Variants in TEX15 observed in about 807,000 individuals in gnomAD.
The protein encoded by TEX15 is testis-expressed protein 15.
In TEX15, 171 loss-of-function variants were observed where a neutral mutation model predicts 237.3. That is an observed-to-expected ratio of 0.72 (90% CI 0.64 to 0.82). TEX15 has a LOEUF of 0.82. TEX15 is among the 40% of genes least tolerant of loss of function. The pLI is 0.00. For synonymous variants in TEX15, 1,338 were observed against 1,269.8 expected (o/e 1.05, Z -1.14); for missense variants, 3,750 against 3,646.5 (o/e 1.03, Z -0.73).
At chr8:30,873,777 T>C (rs1362822327) in intron 4 of TEX15, among the ~76,000 whole-genome samples, 2 of 152,136 alleles carry the variant, frequency 1.3e-5, no homozygotes, top group African/African-American at 4.8e-5. Flanking sequence ...CAAATCAATA[T>C]ATTGTAGTAA....
At chr8:30,883,616 T>C (rs1808584637) in intron 3 of TEX15, among the ~76,000 whole-genome samples, 2 of 152,326 alleles carry the variant, frequency 1.3e-5, no homozygotes, top group African/African-American at 4.8e-5. Context: ...TTTGGTTTTC[T>C]GTTCCTGTAT....
At chr8:30,859,052 C>T (rs1807978485) in intron 6 of TEX15, among the ~76,000 whole-genome samples, 1 of 151,908 alleles carries the variant, frequency 6.6e-6, no homozygotes, top group Non-Finnish European at 1.5e-5. Flanking sequence ...GAAAAAGGCA[C>T]AATTCGTTTT....
chr8:30,838,124 G>A, intron 9 of TEX15, 63 bp from the exon 10 acceptor site: 1 of 1,376,390 alleles, frequency 7.3e-7, no homozygotes. Context: ...AATTTTAATG[G>A]AAATATATAT....
chr8:30,858,658 T>G lies in TEX15; in HGVS notation c.850+10A>C. The G allele has an allele frequency of 6.6e-7, 1 of 1,524,268 alleles. No homozygotes were observed. Among genetic ancestry groups the G allele is most frequent in the Non-Finnish European group, 8.8e-7 (1 of 1,140,990 alleles). The allele number at this position is 1,524,268 out of a possible 1,614,324, so 94.4% of individuals were successfully genotyped here. A position where few individuals can be genotyped will look rare whatever the true frequency, so the allele number is the denominator to read the frequency against. ...AATATTAATCAAGTACAATCATATG[T>G]GTATCTTACCAGCTCTCTTAGGAAA... On this transcript the variant is annotated intron_variant, in intron 7 of 10. Transcript: ENST00000643185.
intron 4 of TEX15, among the ~76,000 whole-genome samples, chr8:30,870,162 T>G (rs1808262414): frequency 6.6e-6 from 1 of 151,886 alleles, no homozygotes; most frequent in South Asian, 2.1e-4. Flanking sequence ...AACTAATATT[T>G]TATTAAATAT....
At chr8:30,835,181 T>C (rs947353650) in intron 10 of TEX15, among the ~76,000 whole-genome samples, 2 of 150,832 alleles carry the variant, frequency 1.3e-5, no homozygotes, top group African/African-American at 2.5e-5. Context: ...CTCGGCTCAC[T>C]GCAACCTCTG....
intron 3 of TEX15, among the ~76,000 whole-genome samples, chr8:30,881,036 T>C (rs1317555747): frequency 6.6e-6 from 1 of 152,166 alleles, no homozygotes; most frequent in Non-Finnish European, 1.5e-5. Context: ...TTCCTCTCCT[T>C]GGCTTTTTGT....
rs866401175 is a variant in TEX15 at position 30,848,437 on chromosome 8, C to T, written c.1730G>A (p.Ser577Asn). Residue 577 changes from serine to asparagine, a missense_variant, in exon 8 of 11, where the codon AGT becomes AAT. Ser to Asn is a conservative substitution (Grantham distance 46). Transcript: ENST00000643185. ...ESGNAYTKEY[S>N]SHIFQDSQSS... The stretch of plus-strand genomic sequence containing the variant: ...CTGCGAGTCCTGAAAAATGTGACTA[C>T]TGTACTCTTTTGTATAAGCATTACC... 3.1e-6 allele frequency: 5 copies of T among 1,614,130 alleles called. No homozygotes were observed. Among genetic ancestry groups the T allele is most frequent in the East Asian group, 2.2e-5 (1 of 44,878 alleles).
rs1429338227 is a variant in TEX15, at chr8:30,882,829, C to T, written c.136+4338G>A. On this transcript the variant is annotated intron_variant, in intron 3 of 10. Coordinates refer to ENST00000643185, the MANE Select transcript of TEX15 (RefSeq NM_001350162.2). The stretch of plus-strand genomic sequence containing the variant: ...ATAATTCAAAATTTGTCCATTTCTC[C>T]TTTCAGTTTTATCAGTTTTGCTTCA... 4.6e-5 allele frequency among the ~76,000 whole-genome samples: 7 copies of T among 152,164 alleles called. No homozygotes were observed. In the East Asian group the frequency reaches 1.4e-3, roughly 29 times the overall value.
chr8:30,888,410 T>C (rs1033094385), intron 2 of TEX15, among the ~76,000 whole-genome samples: 2 of 152,184 alleles, frequency 1.3e-5, no homozygotes, highest in African/African-American at 4.8e-5. Flanking sequence ...TATCATTCTA[T>C]AAATGCTTAA....
At chr8:30,900,284 C>T (rs564700007) in intron 1 of TEX15, among the ~76,000 whole-genome samples, 2 of 152,160 alleles carry the variant, frequency 1.3e-5, no homozygotes, top group East Asian at 3.9e-4. Context: ...CAAATATAAC[C>T]ATGCAATATC....
intron 4 of TEX15, among the ~76,000 whole-genome samples, chr8:30,873,655 A>G (rs323375): frequency 0.46 from 70,225 of 152,014 alleles, 21,244 homozygotes; most frequent in African/African-American, 0.87. Context: ...TTGGGTTATC[A>G]TTGACTTCAA....
intron 10 of TEX15, among the ~76,000 whole-genome samples, chr8:30,836,307 G>A (rs1324697827): frequency 3.9e-5 from 5 of 129,432 alleles, no homozygotes; most frequent in African/African-American, 5.8e-5. Context: ...TCTGCCTCCT[G>A]AGTTCAAGCG....
At chr8:30,849,462 A>G in intron 7 of TEX15, 146 bp from the exon 8 acceptor site, 1 of 507,638 alleles carries the variant, frequency 2.0e-6, no homozygotes, top group African/African-American at 1.9e-5. Flanking sequence ...CGGAAAAAGC[A>G]AAGAGAGAAG....
chr8:30,875,734 A>C (rs188835218), intron 3 of TEX15, among the ~76,000 whole-genome samples: 1 of 152,106 alleles, frequency 6.6e-6, no homozygotes, highest in Non-Finnish European at 1.5e-5. Flanking sequence ...ACCAACATCG[A>C]GTCACAAACA....
At position 30,859,942 on chromosome 8, in the gene TEX15, T is replaced by A; in HGVS notation, c.656A>T (p.Asp219Val). Reference sequence around the variant, plus strand: ...ACTGTAGGCTTGCAGTTCAATGGTATCTTTCAAAGAAGGTGCATTTCTTGA... The same window carrying A: ...ACTGTAGGCTTGCAGTTCAATGGTAACTTTCAAAGAAGGTGCATTTCTTGA... ...HMSRNAPSLK[D>V]TIELQAYSSA... The change falls in exon 6 of 11, where the codon GAT (aspartate) becomes GTT (valine). Residue 219 changes from aspartate (D) to valine (V), a missense_variant. Transcript: ENST00000643185. 1 of 1,505,960 alleles carries A rather than the reference T, an allele frequency of 6.6e-7. No individual in the cohort carries two copies. The allele number at this position is 1,505,960 out of a possible 1,614,324, so 93.3% of individuals were successfully genotyped here. A position where few individuals can be genotyped will look rare whatever the true frequency, so the allele number is the denominator to read the frequency against.
At chr8:30,869,662 T>C (rs990435919) in intron 4 of TEX15, among the ~76,000 whole-genome samples, 1 of 151,986 alleles carries the variant, frequency 6.6e-6, no homozygotes, top group South Asian at 2.1e-4. Context: ...AAACCATTTC[T>C]AATAAAACTA....
chr8:30,848,209 A>G lies in TEX15; in HGVS notation c.1958T>C (p.Ile653Thr). 6.2e-7 allele frequency: 1 copy of G among 1,612,298 alleles called. No individual in the cohort carries two copies. Among genetic ancestry groups the G allele is most frequent in the Non-Finnish European group, 8.5e-7 (1 of 1,179,742 alleles). The change falls in exon 8 of 11, where the codon ATC becomes ACC. Residue 653 changes from isoleucine to threonine, a missense_variant. Transcript: ENST00000643185. ...AACAATGTAATTATCTATTGGACTG[A>G]TTTTTGTTTCATTAGTGAAATCATT... is the stretch of plus-strand genomic sequence containing the variant. ...IDNDFTNETK[I>T]SPIDNYIVLH...
intron 3 of TEX15, among the ~76,000 whole-genome samples, chr8:30,876,098 G>T (rs559383342): frequency 1.3e-5 from 2 of 152,282 alleles, no homozygotes; most frequent in African/African-American, 2.4e-5. Flanking sequence ...TTACAGACAA[G>T]AGCCACTGTG....
Sources: allele counts gnomAD v4.1 joint callset (sites outside exome capture counted in the v4.1 genomes callset), GRCh38; gene constraint gnomAD v4.1.1; transcripts MANE v1.5; gene names NCBI Gene and HGNC (gene_info 2026-07-23, HGNC 2026-07-21).